Variants in DSE observed in about 807,000 individuals in gnomAD.
DSE encodes the protein dermatan sulfate epimerase.
A neutral mutation model predicts 84.4 loss-of-function variants in DSE; 36 were observed. The ratio of observed to expected loss-of-function variants is 0.43; its 90% CI spans 0.33 to 0.56. The LOEUF is 0.56. Among genes scored for constraint, DSE ranks in the 20% least tolerant of loss-of-function variants. DSE has a pLI of 0.06. For missense variants in DSE, 862 were observed against 1,169.6 expected (o/e 0.74, Z 3.84); for synonymous variants, 410 against 430.1 (o/e 0.95, Z 0.58).
At chr6:116,275,058 T>A (rs374414316) in intron 2 of DSE, among the ~76,000 whole-genome samples, 1 of 152,138 alleles carries the variant, frequency 6.6e-6, no homozygotes, top group Non-Finnish European at 1.5e-5. Flanking sequence ...ATGAAAAAAA[T>A]TGAGATATTT....
At chr6:116,421,474 T>A (rs1383021913) in intron 2 of DSE, among the ~76,000 whole-genome samples, 6 of 119,040 alleles carry the variant, frequency 5.0e-5, no homozygotes, top group African/African-American at 1.8e-4. Context: ...TTTTTTTTTT[T>A]TTTTTTTTTT....
intron 2 of DSE, among the ~76,000 whole-genome samples, chr6:116,269,118 T>C (rs935322373): frequency 3.3e-5 from 5 of 152,154 alleles, no homozygotes; most frequent in African/African-American, 4.8e-5. Flanking sequence ...CCCACACCTT[T>C]GTATGCTGGT....
chr6:116,284,277 A>G (rs946931478), intron 2 of DSE, among the ~76,000 whole-genome samples: 9 of 152,166 alleles, frequency 5.9e-5, no homozygotes, highest in Non-Finnish European at 1.0e-4. Context: ...ACTGCTCCTG[A>G]TGTACCAGCC....
At chr6:116,320,603 T>G (rs1287206144) in intron 2 of DSE, among the ~76,000 whole-genome samples, 1 of 152,010 alleles carries the variant, frequency 6.6e-6, no homozygotes, top group Non-Finnish European at 1.5e-5. Flanking sequence ...CAACAAAAAT[T>G]TATTTTCTCA....
At chr6:116,366,890 A>G (rs1349030311), upstream of DSE, 2 of 152,260 alleles carry the variant, frequency 1.3e-5, no homozygotes, top group Non-Finnish European at 2.9e-5. Flanking sequence ...TTCATGACCT[A>G]TTAGAAGATT....
intron 2 of DSE, among the ~76,000 whole-genome samples, 158 bp from the exon 3 acceptor site, chr6:116,426,416 G>A (rs923642542): frequency 3.9e-5 from 6 of 152,094 alleles, no homozygotes; most frequent in Non-Finnish European, 5.9e-5. Flanking sequence ...CAAACTTTAC[G>A]CTTGTTTCTA....
At chr6:116,403,183 G>T (rs1781706590) in intron 2 of DSE, among the ~76,000 whole-genome samples, 1 of 152,056 alleles carries the variant, frequency 6.6e-6, no homozygotes, top group Non-Finnish European at 1.5e-5. Context: ...TTTTTCAGAG[G>T]TGCTCGCATC....
intron 2 of DSE, among the ~76,000 whole-genome samples, chr6:116,416,613 A>G (rs1247171526): frequency 6.6e-6 from 1 of 152,174 alleles, no homozygotes; most frequent in Non-Finnish European, 1.5e-5. Context: ...AACTACATAC[A>G]GTTATTATAA....
At chr6:116,341,586 G>A (rs936376208) in intron 2 of DSE, among the ~76,000 whole-genome samples, 3 of 152,190 alleles carry the variant, frequency 2.0e-5, no homozygotes, top group African/African-American at 7.2e-5. Context: ...GTCCTGAATG[G>A]TATTGCCTAG....
At chr6:116,409,434 C>T (rs1274811315) in intron 2 of DSE, among the ~76,000 whole-genome samples, 4 of 152,096 alleles carry the variant, frequency 2.6e-5, no homozygotes, top group African/African-American at 4.8e-5. Flanking sequence ...CCCACCACCA[C>T]GCCTGGCTAA....
rs564328065 is a variant in DSE, at chr6:116,406,616, G to C, written c.416+6950G>C. 2.0e-5 allele frequency among the ~76,000 whole-genome samples: 3 copies of C among 152,224 alleles called. No individual in the cohort carries two copies. The East Asian group carries it at 5.8e-4, about 29-fold the overall frequency. On this transcript the variant is annotated intron_variant, in intron 2 of 5. Coordinates refer to ENST00000644252, the MANE Select transcript of DSE (RefSeq NM_013352.4). ...AGTTCATGCTAATGATAACTTGAGA[G>C]TAATAATGACATGAGTATGTTCATG...
rs1774444360 is a variant in DSE, at chr6:116,293,627, C to T, written c.-54+34660C>T. Among the ~76,000 whole-genome samples, 4 of 152,178 alleles carry T rather than the reference C, an allele frequency of 2.6e-5. No individual in the cohort carries two copies. In the South Asian group the frequency reaches 8.3e-4, roughly 31 times the overall value. On this transcript the variant is annotated intron_variant, in intron 2 of 3. Transcript: ENST00000430252. ...CTTTTAAAATGAGCTAGAGGCCAGA[C>T]ATGGTAGCTCACATCTATAATCTTA... is the stretch of plus-strand genomic sequence containing the variant.
At chr6:116,280,697 C>T in intron 2 of DSE, among the ~76,000 whole-genome samples, 1 of 152,150 alleles carries the variant, frequency 6.6e-6, no homozygotes, top group Non-Finnish European at 1.5e-5. Context: ...ATGTCAATGT[C>T]TCTGGTTGAA....
At chr6:116,258,536 CCTT>C (rs1204551781) in exon 2 of DSE, 16 of 1,390,140 alleles carry the variant, frequency 1.2e-5, no homozygotes, top group Admixed American at 5.0e-5. Flanking sequence ...GGCCACACGT[CCTT>C]CTTCTTAATG....
chr6:116,284,991 T>C (rs1223616415), intron 2 of DSE, among the ~76,000 whole-genome samples: 3 of 152,140 alleles, frequency 2.0e-5, no homozygotes, highest in African/African-American at 7.2e-5. Flanking sequence ...CATGTGCATG[T>C]GTCTTTATAG....
In DSE at chr6:116,431,264, G is replaced by T. The variant is rs1392372346; in HGVS notation, c.910+71G>T. On this transcript the variant is annotated intron_variant, in intron 4 of 5. Transcript: ENST00000644252. ...TTTTTCTGATTATGAAAATGAGCTAGACTAGGCAGAGAAATTAGGTCCTTA... is the reference window on the plus strand; with the variant it reads ...TTTTTCTGATTATGAAAATGAGCTATACTAGGCAGAGAAATTAGGTCCTTA... 4 of 1,562,268 alleles carry T rather than the reference G, an allele frequency of 2.6e-6. No individual in the cohort carries two copies. In the South Asian group the frequency reaches 4.8e-5, roughly 19 times the overall value.
chr6:116,325,421 CAT>C (rs1390018913), intron 2 of DSE, among the ~76,000 whole-genome samples: 2 of 152,186 alleles, frequency 1.3e-5, no homozygotes, highest in African/African-American at 4.8e-5. Flanking sequence ...TCATCAGAAA[CAT>C]ATGAGCTCCT....
chr6:116,396,919 A>G (rs565275209), intron 1 of DSE, among the ~76,000 whole-genome samples: 1 of 152,148 alleles, frequency 6.6e-6, no homozygotes, highest in Admixed American at 6.5e-5. Context: ...AGAATGTGAG[A>G]TGGAAAAATT....
At chr6:116,285,168 G>A (rs771743442) in intron 2 of DSE, among the ~76,000 whole-genome samples, 12 of 151,984 alleles carry the variant, frequency 7.9e-5, no homozygotes, top group African/African-American at 2.2e-4. Flanking sequence ...TCTCCACATC[G>A]TCTCCAGCAC....
Sources: allele counts gnomAD v4.1 joint callset (sites outside exome capture counted in the v4.1 genomes callset), GRCh38; gene constraint gnomAD v4.1.1; transcripts MANE v1.5; gene names NCBI Gene and HGNC (gene_info 2026-07-23, HGNC 2026-07-21).